RAP1GAP2: variants seen among roughly 807,000 people sequenced by gnomAD.
RAP1GAP2 encodes the protein rap1 GTPase-activating protein 2.
Under a neutral mutation model 95.0 loss-of-function variants are expected in RAP1GAP2, and 27 were observed. The ratio of observed to expected loss-of-function variants is 0.28; its 90% CI spans 0.21 to 0.39. The LOEUF (loss-of-function observed/expected upper bound fraction) is 0.39. Among genes scored for constraint, RAP1GAP2 ranks in the 10% least tolerant of loss-of-function variants. RAP1GAP2 has a pLI of 1.00. For synonymous variants in RAP1GAP2, 373 were observed against 380.9 expected (o/e 0.98, Z 0.24); for missense variants, 771 against 970.0 (o/e 0.79, Z 2.72).
At position 2,894,887 on chromosome 17, in the gene RAP1GAP2, G is replaced by T. The variant is rs115676692; in HGVS notation, c.81-10397G>T. Among the ~76,000 whole-genome samples, 517 of 152,196 alleles carry T rather than the reference G, an allele frequency of 3.4e-3. 6 individuals are homozygous for T. The highest frequency in any genetic ancestry group is 0.012 in the African/African-American group (496 of 41,524). ...GTCTTCCCCTGGCCCCTCCCTTCCA[G>T]CCGCTCCGTTCTCTCTCTGCTGCTT... is the stretch of plus-strand genomic sequence containing the variant. On this transcript the variant is annotated intron_variant, in intron 2 of 24. Coordinates refer to ENST00000254695, the MANE Select transcript of RAP1GAP2 (RefSeq NM_015085.5).
intron 2 of RAP1GAP2, among the ~76,000 whole-genome samples, chr17:2,875,396 A>G: frequency 6.6e-6 from 1 of 152,172 alleles, no homozygotes; most frequent in East Asian, 1.9e-4. Flanking sequence ...CAAAGGGGAC[A>G]GGGAGTGGGG....
intron 2 of RAP1GAP2, among the ~76,000 whole-genome samples, chr17:2,882,666 G>A (rs1203001861): frequency 2.0e-5 from 3 of 152,194 alleles, no homozygotes; most frequent in Admixed American, 6.5e-5. Context: ...TTTCAGCATG[G>A]TCCCTGTGTC....
chr17:2,767,507 T>C (rs905680941), intron 1 of RAP1GAP2, among the ~76,000 whole-genome samples: 1 of 151,968 alleles, frequency 6.6e-6, no homozygotes, highest in Admixed American at 6.6e-5. Context: ...TTTATTAGCT[T>C]TTGTGTCTCC....
chr17:2,790,874 G>A (rs2068905789), intron 1 of RAP1GAP2, among the ~76,000 whole-genome samples: 1 of 152,232 alleles, frequency 6.6e-6, no homozygotes, highest in Non-Finnish European at 1.5e-5. Context: ...TCTGAGCCCA[G>A]CCAGCTTTCT....
chr17:2,759,080 TCCTCCCATCTTGG>T (rs1047752441), intron 1 of RAP1GAP2, among the ~76,000 whole-genome samples: 9 of 151,924 alleles, frequency 5.9e-5, no homozygotes, highest in Admixed American at 5.9e-4. Context: ...GCTCAAGGGA[TCCTCCCATCTTGG>T]CCTCCCAAAG....
At chr17:3,012,051 T>A (rs1379108183) in intron 17 of RAP1GAP2, among the ~76,000 whole-genome samples, 1 of 152,166 alleles carries the variant, frequency 6.6e-6, no homozygotes, top group African/African-American at 2.4e-5. Flanking sequence ...ACCCTTGATC[T>A]TTCTCCTGAG....
At chr17:2,771,487 T>TTTTTTTTTTTTG (rs1567636249) in intron 2 of RAP1GAP2, among the ~76,000 whole-genome samples, 5 of 92,810 alleles carry the variant, frequency 5.4e-5, no homozygotes, top group Non-Finnish European at 8.5e-5. Flanking sequence ...CACTTTTTTG[T>TTTTTTTTTTTTG]TTTTTTTTTT....
chr17:2,782,765 C>T (rs1277440285), intron 1 of RAP1GAP2, among the ~76,000 whole-genome samples: 1 of 152,148 alleles, frequency 6.6e-6, no homozygotes, highest in African/African-American at 2.4e-5. Flanking sequence ...CCTGTAATCC[C>T]AGCACTCTGG....
intron 21 of RAP1GAP2, 94 bp from the exon 22 acceptor site, chr17:3,026,850 G>A: frequency 1.4e-6 from 2 of 1,444,556 alleles, no homozygotes; most frequent in Non-Finnish European, 1.9e-6. Flanking sequence ...GCAGGAGGCA[G>A]CGGCTGTCCT....
At chr17:2,901,806 A>G (rs1412629106) in intron 2 of RAP1GAP2, among the ~76,000 whole-genome samples, 2 of 152,036 alleles carry the variant, frequency 1.3e-5, no homozygotes, top group Non-Finnish European at 2.9e-5. Flanking sequence ...GCTCATGTGT[A>G]AATGTCATTG....
intron 2 of RAP1GAP2, among the ~76,000 whole-genome samples, chr17:2,891,403 A>G (rs1438915526): frequency 6.6e-6 from 1 of 152,104 alleles, no homozygotes; most frequent in East Asian, 1.9e-4. Flanking sequence ...GGCCTCCCAA[A>G]GTACTGTAAT....
chr17:2,999,265 T>C (rs1168844380), intron 14 of RAP1GAP2, among the ~76,000 whole-genome samples: 2 of 152,172 alleles, frequency 1.3e-5, no homozygotes, highest in Non-Finnish European at 2.9e-5. Flanking sequence ...GGCAACAGTC[T>C]CTTGGTATCA....
chr17:2,843,202 T>G (rs2071440603), intron 2 of RAP1GAP2, among the ~76,000 whole-genome samples: 1 of 151,934 alleles, frequency 6.6e-6, no homozygotes, highest in African/African-American at 2.4e-5. Flanking sequence ...GGGTGTGTCC[T>G]GCAGGTGAGT....
chr17:2,889,907 A>G (rs1473996652), intron 2 of RAP1GAP2, among the ~76,000 whole-genome samples: 1 of 49,770 alleles, frequency 2.0e-5, no homozygotes, highest in African/African-American at 7.2e-5. Flanking sequence ...TTTTTTTTGT[A>G]GAGATGGGTT....
chr17:2,928,364 G>A (rs892122231), intron 3 of RAP1GAP2, among the ~76,000 whole-genome samples: 1 of 152,086 alleles, frequency 6.6e-6, no homozygotes, highest in Non-Finnish European at 1.5e-5. Flanking sequence ...TTCTAATCAC[G>A]CCACTGCTTC....
intron 3 of RAP1GAP2, among the ~76,000 whole-genome samples, chr17:2,949,892 C>T (rs1009622955): frequency 2.6e-5 from 4 of 152,216 alleles, no homozygotes; most frequent in Admixed American, 2.6e-4. Flanking sequence ...CAAGGCCATG[C>T]TGCCACTGGC....
chr17:2,935,108 A>C (rs1024650515), intron 3 of RAP1GAP2, among the ~76,000 whole-genome samples: 1 of 152,186 alleles, frequency 6.6e-6, no homozygotes, highest in Non-Finnish European at 1.5e-5. Context: ...ATGGGTTTGC[A>C]TTGCCTGTCG....
rs542813128 is a variant in RAP1GAP2, at chr17:2,994,337, A to G, written c.915-1000A>G. Among the ~76,000 whole-genome samples the G allele has an allele frequency of 3.3e-5, 5 of 152,276 alleles. No individual in the cohort carries two copies. In the South Asian group the frequency reaches 8.3e-4, roughly 25 times the overall value. ...CCATCTTATTTCATTTTCTTAAAGG[A>G]ACCTGCATCTGCTGAAGACTGTGAT... On this transcript the variant is annotated intron_variant, in intron 12 of 24. Coordinates refer to ENST00000254695, the MANE Select transcript of RAP1GAP2 (RefSeq NM_015085.5).
At chr17:3,030,090 A>T (rs1407101801) in intron 22 of RAP1GAP2, among the ~76,000 whole-genome samples, 1 of 147,916 alleles carries the variant, frequency 6.8e-6, no homozygotes, top group East Asian at 1.9e-4. Flanking sequence ...CATATGTTAT[A>T]GATACACATA....
Sources: allele counts gnomAD v4.1 joint callset (sites outside exome capture counted in the v4.1 genomes callset), GRCh38; gene constraint gnomAD v4.1.1; transcripts MANE v1.5; gene names NCBI Gene and HGNC (gene_info 2026-07-23, HGNC 2026-07-21).